HEXA: variants seen among roughly 807,000 people sequenced by gnomAD.
The protein encoded by HEXA is beta-hexosaminidase subunit alpha.
A neutral mutation model predicts 73.3 loss-of-function variants in HEXA; 54 were observed. The observed-to-expected ratio is 0.74, with a 90% CI of 0.59 to 0.92. HEXA has a LOEUF of 0.92. Among genes scored for constraint, HEXA ranks in the 40% least tolerant of loss-of-function variants. The pLI, the probability that HEXA is intolerant of heterozygous loss-of-function variation, is 0.00. For missense variants in HEXA, 649 were observed against 653.0 expected (o/e 0.99, Z 0.07); for synonymous variants, 230 against 246.9 (o/e 0.93, Z 0.64).
rs1467732394 is a variant in HEXA, at chr15:72,346,650, CCTT to C, written c.1204_1206del (p.Lys402del). Reference sequence around the variant, plus strand: ...CCGGCCTTGGTGACCAGTTCCAGCTCCTTCATATAGTTCACTGGAATATCCTCT... The same window carrying C: ...CCGGCCTTGGTGACCAGTTCCAGCTCCATATAGTTCACTGGAATATCCTCT... On this transcript the variant is annotated inframe_deletion, in exon 11 of 14. Transcript: ENST00000268097. 3.7e-6 allele frequency: 6 copies of C among 1,613,980 alleles called. No homozygotes were observed. The highest frequency in any genetic ancestry group is 5.1e-6 in the Non-Finnish European group (6 of 1,179,990).
chr15:72,359,877 T>G (rs1423831739), intron 1 of HEXA: 1 of 151,944 alleles, frequency 6.6e-6, no homozygotes, highest in African/African-American at 2.4e-5. Context: ...TAGTACCTTA[T>G]AGAGTAATTT....
At chr15:72,350,121 T>C (rs544998522) in intron 7 of HEXA, 3 of 309,270 alleles carry the variant, frequency 9.7e-6, no homozygotes, top group South Asian at 3.0e-5. Context: ...TTAACCTGTG[T>C]TGGGGGCTCA....
chr15:72,347,851 G>A, intron 9 of HEXA, 93 bp from the exon 10 acceptor site: 1 of 1,247,718 alleles, frequency 8.0e-7, no homozygotes. Flanking sequence ...AGCCTGGCCA[G>A]GGGCCTATTC....
chr15:72,353,078 A>C lies in HEXA; in HGVS notation c.560T>G (p.Leu187Arg). 1 of 1,607,226 alleles carries C rather than the reference A, an allele frequency of 6.2e-7. No individual in the cohort carries two copies. The highest frequency in any genetic ancestry group is 1.1e-5 in the South Asian group (1 of 90,960). ...TTAAGGCCTGGTTACCAGAGTGTCC[A>C]GGATGCTAGAGAGTGGCAGGTAATG... ...SRHYLPLSSI[L>R]DTLDVMAYNK... The change falls in exon 5 of 14, where the codon CTG becomes CGG. Residue 187 changes from leucine (L) to arginine (R), a missense_variant. Transcript: ENST00000268097.
intron 10 of HEXA, 134 bp downstream of exon 10, chr15:72,347,552 A>G (rs1271937762): frequency 1.2e-5 from 9 of 767,570 alleles, no homozygotes; most frequent in African/African-American, 8.6e-5. Context: ...CTTTCTAGAG[A>G]GAAAAGGAGA....
chr15:72,373,872 A>G (rs1043458442), intron 1 of HEXA, among the ~76,000 whole-genome samples: 1 of 151,968 alleles, frequency 6.6e-6, no homozygotes, highest in Non-Finnish European at 1.5e-5. Flanking sequence ...GGTGGCAAGC[A>G]CGTGTAGTCC....
chr15:72,363,799 T>C (rs2088882646), intron 1 of HEXA, among the ~76,000 whole-genome samples: 1 of 152,104 alleles, frequency 6.6e-6, no homozygotes, highest in Non-Finnish European at 1.5e-5. Flanking sequence ...AAATTTTCTA[T>C]TTTCCCCTAC....
intron 1 of HEXA, among the ~76,000 whole-genome samples, chr15:72,374,436 A>G (rs1265190500): frequency 6.6e-6 from 1 of 152,184 alleles, no homozygotes; most frequent in African/African-American, 2.4e-5. Flanking sequence ...TCTTTCCCCA[A>G]ATCAAATGTC....
At chr15:72,363,665 C>T (rs2088880982) in intron 1 of HEXA, among the ~76,000 whole-genome samples, 1 of 152,206 alleles carries the variant, frequency 6.6e-6, no homozygotes. Context: ...TTAATACCTA[C>T]TTGGAAGTAT....
At chr15:72,368,404 A>G (rs192991850) in intron 1 of HEXA, among the ~76,000 whole-genome samples, 8 of 152,328 alleles carry the variant, frequency 5.3e-5, no homozygotes, top group African/African-American at 1.4e-4. Flanking sequence ...AAGCTGTGTA[A>G]CCCTGGGCAT....
At chr15:72,362,461 T>A (rs1467930577) in intron 1 of HEXA, 1 of 455,776 alleles carries the variant, frequency 2.2e-6, no homozygotes, top group South Asian at 1.6e-5. Flanking sequence ...ATTCAGTACA[T>A]GTTTGCTGAA....
chr15:72,370,315 T>G (rs1426176187), intron 1 of HEXA: 2 of 273,128 alleles, frequency 7.3e-6, no homozygotes, highest in Non-Finnish European at 1.4e-5. Flanking sequence ...AAATTTTTCA[T>G]AAACCAGGCC....
At chr15:72,356,026 C>A in intron 2 of HEXA, 1 of 452,940 alleles carries the variant, frequency 2.2e-6, no homozygotes, top group Non-Finnish European at 4.4e-6. Context: ...TTGTAATCAC[C>A]CTCCTTTCCC....
At chr15:72,363,354 C>A (rs1356903947) in intron 1 of HEXA, among the ~76,000 whole-genome samples, 2 of 152,130 alleles carry the variant, frequency 1.3e-5, no homozygotes, top group Admixed American at 1.3e-4. Context: ...GATTTAATAG[C>A]CACGTCCAGG....
intron 8 of HEXA, 87 bp from the exon 9 acceptor site, chr15:72,348,221 T>A (rs182303805): frequency 1.1e-6 from 1 of 880,420 alleles, no homozygotes; most frequent in African/African-American, 1.6e-5. Context: ...CCCTATAACT[T>A]CCTCTTTTCA....
At chr15:72,372,305 C>T (rs948530394) in intron 1 of HEXA, among the ~76,000 whole-genome samples, 2 of 150,232 alleles carry the variant, frequency 1.3e-5, no homozygotes, top group African/African-American at 4.9e-5. Flanking sequence ...GTCAAAATCA[C>T]ACCACTGCAT....
In HEXA at chr15:72,346,249, C is replaced by G; in HGVS notation, c.1407G>C (p.Leu469=). 15 of 1,613,620 alleles carry G rather than the reference C, an allele frequency of 9.3e-6. No homozygotes were observed. The highest frequency in any genetic ancestry group is 1.2e-5 in the Non-Finnish European group (14 of 1,179,654). Reference sequence around the variant, plus strand: ...AAAACCCTTACCAGAGCCTGGGGACCAGGTTTGTGTTGTCCACATATTCTC... The same window carrying G: ...AAAACCCTTACCAGAGCCTGGGGACGAGGTTTGTGTTGTCCACATATTCTC... ...MWGEYVDNTN[L]VPRLWPRAGA... is the part of the protein sequence containing the mutation. Residue 469 remains leucine, a synonymous_variant, in exon 12 of 14, where the codon CTG becomes CTC. Coordinates refer to ENST00000268097, the MANE Select transcript of HEXA (RefSeq NM_000520.6).
chr15:72,355,434 G>A, intron 3 of HEXA, 125 bp downstream of exon 3: 2 of 758,168 alleles, frequency 2.6e-6, no homozygotes, highest in East Asian at 2.6e-5. Flanking sequence ...GCTAAAGAGG[G>A]AAGATTGCTT....
intron 12 of HEXA, 57 bp from the exon 13 acceptor site, chr15:72,345,607 G>C: frequency 3.1e-6 from 5 of 1,603,698 alleles, no homozygotes; most frequent in Non-Finnish European, 4.3e-6. Context: ...AAAGGTGCTG[G>C]ACATCCACAG....
Sources: allele counts gnomAD v4.1 joint callset (sites outside exome capture counted in the v4.1 genomes callset), GRCh38; gene constraint gnomAD v4.1.1; transcripts MANE v1.5; gene names NCBI Gene and HGNC (gene_info 2026-07-23, HGNC 2026-07-21).